The following TMEM108 variants were observed in gnomAD, a reference collection of about 807,000 sequenced individuals.
TMEM108 encodes transmembrane protein 108, also known as cancer/testis antigen 124.
TMEM108 carries 12 observed loss-of-function variants against 35.1 expected under a neutral mutation model. The ratio of observed to expected loss-of-function variants is 0.34; its 90% CI spans 0.22 to 0.55. The LOEUF (loss-of-function observed/expected upper bound fraction) is 0.55, where lower values mean the gene tolerates loss of function less well. Ranked by LOEUF, TMEM108 falls within the 20% of genes least tolerant of loss-of-function variation. The pLI is 0.89. For missense variants in TMEM108, 680 were observed against 753.3 expected (o/e 0.90, Z 1.14); for synonymous variants, 287 against 308.6 (o/e 0.93, Z 0.73).
intron 3 of TMEM108, among the ~76,000 whole-genome samples, chr3:133,234,314 C>G (rs1353498714): frequency 2.0e-5 from 3 of 152,104 alleles, no homozygotes. Flanking sequence ...GAATTTTAGA[C>G]CAATATCCTT....
intron 2 of TMEM108, among the ~76,000 whole-genome samples, chr3:133,197,265 G>A (rs1945592224): frequency 6.6e-6 from 1 of 152,174 alleles, no homozygotes; most frequent in South Asian, 2.1e-4. Flanking sequence ...GGCTGGAGGA[G>A]TGAAGATCAG....
intron 2 of TMEM108, among the ~76,000 whole-genome samples, chr3:133,075,368 A>G (rs369632801): frequency 3.3e-5 from 5 of 152,186 alleles, no homozygotes; most frequent in East Asian, 3.8e-4. Flanking sequence ...CACTCCACCA[A>G]TGCTTGGCAT....
At chr3:133,187,502 C>A (rs1441534873) in intron 2 of TMEM108, among the ~76,000 whole-genome samples, 1 of 152,212 alleles carries the variant, frequency 6.6e-6, no homozygotes, top group African/African-American at 2.4e-5. Context: ...GTAGTCCCAG[C>A]ACTTTGGGAG....
chr3:133,146,615 G>A (rs1037377449), intron 2 of TMEM108, among the ~76,000 whole-genome samples: 1 of 152,098 alleles, frequency 6.6e-6, no homozygotes, highest in Non-Finnish European at 1.5e-5. Flanking sequence ...TAGTTGGTAG[G>A]CTATTAATTA....
intron 2 of TMEM108, among the ~76,000 whole-genome samples, chr3:133,122,687 C>A (rs2107735602): frequency 6.6e-6 from 1 of 152,040 alleles, no homozygotes. Flanking sequence ...CACAGTGAAA[C>A]CCCGTCTCTA....
Position 133,267,420 on chromosome 3 carries a change from G to A in TMEM108, c.40+38069G>A, listed in dbSNP as rs971383363. Among the ~76,000 whole-genome samples, 6 of 152,198 alleles carry A rather than the reference G, an allele frequency of 3.9e-5. No homozygotes were observed. In the South Asian group the frequency reaches 1.2e-3, roughly 32 times the overall value. On this transcript the variant is annotated intron_variant, in intron 3 of 5. Transcript: ENST00000321871. ...TAAGGCTTCCTGGAGAAAGCAGCTAGAGAGTGGATCTCAAAGGATGAACAG... is the reference window on the plus strand; with the variant it reads ...TAAGGCTTCCTGGAGAAAGCAGCTAAAGAGTGGATCTCAAAGGATGAACAG...
chr3:133,292,476 T>A (rs1947084657), intron 3 of TMEM108, among the ~76,000 whole-genome samples: 1 of 152,202 alleles, frequency 6.6e-6, no homozygotes, highest in Admixed American at 6.5e-5. Context: ...GCCTCTTGCT[T>A]GCTGTTAGCT....
At chr3:133,121,859 G>A (rs887996304) in intron 2 of TMEM108, among the ~76,000 whole-genome samples, 1 of 152,128 alleles carries the variant, frequency 6.6e-6, no homozygotes, top group Non-Finnish European at 1.5e-5. Flanking sequence ...GGAAATGAAA[G>A]GCAATGCTCT....
chr3:133,365,977 A>G (rs62280870), intron 3 of TMEM108, among the ~76,000 whole-genome samples: 1 of 150,170 alleles, frequency 6.7e-6, no homozygotes, highest in Non-Finnish European at 1.5e-5. Context: ...GAGACAGAGA[A>G]GTGGGGGAGT....
chr3:133,173,982 A>C (rs1161042989), intron 2 of TMEM108, among the ~76,000 whole-genome samples: 2 of 152,198 alleles, frequency 1.3e-5, no homozygotes, highest in Non-Finnish European at 2.9e-5. Flanking sequence ...TCCCACCCTC[A>C]TACTGCACTT....
intron 3 of TMEM108, among the ~76,000 whole-genome samples, chr3:133,356,506 C>T (rs2107783030): frequency 6.6e-6 from 1 of 152,208 alleles, no homozygotes; most frequent in East Asian, 1.9e-4. Flanking sequence ...AAAGAGCCCA[C>T]ATAATCAAAG....
intron 4 of TMEM108, chr3:133,388,962 C>G (rs964696855): frequency 1.0e-6 from 1 of 985,514 alleles, no homozygotes; most frequent in African/African-American, 1.7e-5. Flanking sequence ...CCCCGACTCC[C>G]CAGCACAGAG....
chr3:133,158,465 TAAAA>T (rs11328701), intron 2 of TMEM108, among the ~76,000 whole-genome samples: 1 of 80,648 alleles, frequency 1.2e-5, no homozygotes, highest in Non-Finnish European at 2.3e-5. Context: ...AGACTCTGTC[TAAAA>T]AAAAAAAAAA....
At chr3:133,284,288 T>A (rs1946954745) in intron 3 of TMEM108, among the ~76,000 whole-genome samples, 1 of 152,224 alleles carries the variant, frequency 6.6e-6, no homozygotes, top group African/African-American at 2.4e-5. Flanking sequence ...TCATGCTGGA[T>A]TCTGCAGGGT....
chr3:133,227,652 T>A (rs1346916605), intron 2 of TMEM108, among the ~76,000 whole-genome samples: 1 of 151,552 alleles, frequency 6.6e-6, no homozygotes, highest in Non-Finnish European at 1.5e-5. Flanking sequence ...ATCCCAGCAC[T>A]TTGGGAGGCT....
intron 2 of TMEM108, among the ~76,000 whole-genome samples, chr3:133,109,402 A>G (rs1025687675): frequency 2.0e-5 from 3 of 152,104 alleles, no homozygotes; most frequent in Non-Finnish European, 4.4e-5. Flanking sequence ...CAGAAGTGGG[A>G]GGATAGCTTG....
At chr3:133,285,702 C>G (rs1309885036) in intron 3 of TMEM108, among the ~76,000 whole-genome samples, 2 of 152,144 alleles carry the variant, frequency 1.3e-5, no homozygotes, top group East Asian at 3.8e-4. Context: ...GAGCCTAATC[C>G]CGATCCCCTA....
chr3:133,159,110 C>T (rs113710082), intron 2 of TMEM108, among the ~76,000 whole-genome samples: 2,220 of 152,340 alleles, frequency 0.015, 64 homozygotes, highest in African/African-American at 0.05. Context: ...CCCACATCTT[C>T]ACTCATGACA....
chr3:133,176,929 A>T (rs1243974117), intron 2 of TMEM108, among the ~76,000 whole-genome samples: 2 of 152,200 alleles, frequency 1.3e-5, no homozygotes, highest in Admixed American at 6.5e-5. Flanking sequence ...CAAGACTAAT[A>T]AAGAAGAAAA....
Sources: gnomAD v4.1 joint callset for allele counts (sites outside exome capture counted in the v4.1 genomes callset) on GRCh38, gnomAD v4.1.1 for gene constraint, MANE v1.5 for transcripts, NCBI Gene and HGNC (gene_info 2026-07-23, HGNC 2026-07-21) for gene names.